The following BMAL2 variants were observed in gnomAD, a reference collection of about 807,000 sequenced individuals.
The protein encoded by BMAL2 is basic helix-loop-helix ARNT like 2.
At chr12:27,343,531 GAAT>G in the BMAL2 span, among the ~76,000 whole-genome samples, 7 of 151,884 alleles carry the variant, frequency 4.6e-5, no homozygotes, top group African/African-American at 1.7e-4. Flanking sequence ...TAACCTACAG[GAAT>G]TATATTTTGT....
chr12:27,424,602 A>G, the BMAL2 span: 1 of 152,210 alleles, frequency 6.6e-6, no homozygotes, highest in East Asian at 1.9e-4. Context: ...AGGTACAAGA[A>G]ATAGCCAATA....
chr12:27,417,257 G>T, the BMAL2 span, among the ~76,000 whole-genome samples: 2 of 152,148 alleles, frequency 1.3e-5, no homozygotes, highest in African/African-American at 4.8e-5. Context: ...AACAGTATAA[G>T]AACTTTTCAG....
chr12:27,348,979 TG>T, the BMAL2 span, among the ~76,000 whole-genome samples: 2 of 152,166 alleles, frequency 1.3e-5, no homozygotes, highest in Admixed American at 6.5e-5. Context: ...TGGGGAACAG[TG>T]GGTAGAGAGG....
chr12:27,395,008 A>C, the BMAL2 span, among the ~76,000 whole-genome samples: 1 of 152,266 alleles, frequency 6.6e-6, no homozygotes, highest in South Asian at 2.1e-4. Flanking sequence ...TGAGAAAATA[A>C]GTTCCTGTTG....
the BMAL2 span, among the ~76,000 whole-genome samples, chr12:27,363,262 T>C: frequency 6.6e-6 from 1 of 152,242 alleles, no homozygotes; most frequent in Admixed American, 6.5e-5. Context: ...ATTGTTGTTG[T>C]TCAATTACAA....
the BMAL2 span, among the ~76,000 whole-genome samples, chr12:27,413,386 T>C: frequency 3.3e-5 from 5 of 152,254 alleles, no homozygotes; most frequent in East Asian, 3.9e-4. Context: ...ACATAAAATG[T>C]GGAGAGAAAT....
the BMAL2 span, among the ~76,000 whole-genome samples, chr12:27,374,253 A>G: frequency 6.6e-6 from 1 of 152,300 alleles, no homozygotes; most frequent in Middle Eastern, 3.4e-3. Context: ...CAACCAACCA[A>G]AAGTTGAAAA....
the BMAL2 span, among the ~76,000 whole-genome samples, chr12:27,355,987 A>T: frequency 6.6e-6 from 1 of 152,170 alleles, no homozygotes; most frequent in Non-Finnish European, 1.5e-5. Context: ...GGCCAGAAGA[A>T]TCAGATCCTT....
the BMAL2 span, among the ~76,000 whole-genome samples, chr12:27,406,918 A>G: frequency 6.6e-6 from 1 of 152,194 alleles, no homozygotes; most frequent in Non-Finnish European, 1.5e-5. Context: ...CAAATGGAAA[A>G]CAAAAAAAGG....
chr12:27,400,301 T>C, the BMAL2 span, among the ~76,000 whole-genome samples: 2 of 152,194 alleles, frequency 1.3e-5, no homozygotes, highest in Non-Finnish European at 2.9e-5. Flanking sequence ...TGTTCGTTTT[T>C]TCATGTAGTA....
the BMAL2 span, among the ~76,000 whole-genome samples, chr12:27,363,054 C>G: frequency 1.3e-5 from 2 of 152,170 alleles, no homozygotes; most frequent in African/African-American, 4.8e-5. Context: ...ATCCTCTTAC[C>G]TTGGCCTTCC....
the BMAL2 span, chr12:27,333,077 C>T: frequency 1.7e-6 from 2 of 1,204,576 alleles, no homozygotes; most frequent in Non-Finnish European, 1.0e-6. Flanking sequence ...CCTGCGATGG[C>T]GGCGGAAGAG....
chr12:27,345,892 T>C, the BMAL2 span, among the ~76,000 whole-genome samples: 1 of 152,206 alleles, frequency 6.6e-6, no homozygotes, highest in Admixed American at 6.5e-5. Flanking sequence ...TCTCCAAATG[T>C]TTTTTAGTAA....
the BMAL2 span, among the ~76,000 whole-genome samples, chr12:27,337,523 G>A: frequency 1.3e-5 from 2 of 152,088 alleles, no homozygotes; most frequent in East Asian, 1.9e-4. Flanking sequence ...TCAGGCTGTT[G>A]GCTGTTCCTG....
chr12:27,380,954 C>T, the BMAL2 span, among the ~76,000 whole-genome samples: 3 of 151,118 alleles, frequency 2.0e-5, no homozygotes, highest in Non-Finnish European at 4.4e-5. Context: ...CCACTGCACT[C>T]CAGCCTGGGT....
At chr12:27,406,015 A>C in the BMAL2 span, among the ~76,000 whole-genome samples, 2 of 152,250 alleles carry the variant, frequency 1.3e-5, no homozygotes, top group African/African-American at 4.8e-5. Context: ...CAAATGAATG[A>C]AATGAAGTGA....
At chr12:27,388,293 G>A in the BMAL2 span, among the ~76,000 whole-genome samples, 1 of 152,160 alleles carries the variant, frequency 6.6e-6, no homozygotes, top group Non-Finnish European at 1.5e-5. Context: ...TTCAGATTCA[G>A]AAACTTGGTC....
chr12:27,360,803 CAAAAA>C, the BMAL2 span, among the ~76,000 whole-genome samples: 2,608 of 46,830 alleles, frequency 0.056, 108 homozygotes, highest in Middle Eastern at 0.21. Context: ...GTGATTTGTC[CAAAAA>C]AAAAAAAAAA....
the BMAL2 span, chr12:27,385,640 C>A: frequency 3.2e-6 from 3 of 925,488 alleles, no homozygotes; most frequent in Non-Finnish European, 5.1e-6. Context: ...CTTCCATTTG[C>A]TTCCTGTTCT....
Sources: gnomAD v4.1 joint callset for allele counts (sites outside exome capture counted in the v4.1 genomes callset) on GRCh38, gnomAD v4.1.1 for gene constraint, MANE v1.5 for transcripts, NCBI Gene and HGNC (gene_info 2026-07-23, HGNC 2026-07-21) for gene names.